Variants in MAP7D2 observed in about 807,000 individuals in gnomAD.
MAP7D2 encodes the protein MAP7 domain containing 2, also known as MAP7 domain-containing protein 2.
MAP7D2 carries 33 observed loss-of-function variants against 63.5 expected under a neutral mutation model. That is an observed-to-expected ratio of 0.52 (90% confidence interval 0.39 to 0.70). The LOEUF (loss-of-function observed/expected upper bound fraction) is 0.70, where lower values mean the gene tolerates loss of function less well. Among genes scored for constraint, MAP7D2 ranks in the 30% least tolerant of loss-of-function variants. MAP7D2 has a pLI of 0.00. For missense variants in MAP7D2, 626 were observed against 604.0 expected, an observed-to-expected ratio of 1.04 and a Z score of -0.38; for synonymous variants, 224 against 223.7, an observed-to-expected ratio of 1.00 and a Z score of -0.01.
chrX:20,106,278 G>A (rs1263787601), intron 1 of MAP7D2, among the ~76,000 whole-genome samples: 1 of 111,825 alleles, frequency 8.9e-6, no homozygotes, highest in Non-Finnish European at 1.9e-5. Flanking sequence ...TCTGTGTGAG[G>A]ACCCACTAGT....
intron 6 of MAP7D2, among the ~76,000 whole-genome samples, chrX:20,047,347 T>C (rs1176820721): frequency 3.6e-5 from 4 of 112,233 alleles, no homozygotes; most frequent in African/African-American, 9.7e-5. Context: ...TTGGGGATCA[T>C]AGTTCCTATG....
At chrX:20,101,727 T>A (rs2066442203) in intron 1 of MAP7D2, among the ~76,000 whole-genome samples, 1 of 112,161 alleles carries the variant, frequency 8.9e-6, no homozygotes, top group Non-Finnish European at 1.9e-5. Flanking sequence ...TAAAAAGAAA[T>A]GAACCACTGG....
intron 1 of MAP7D2, among the ~76,000 whole-genome samples, chrX:20,091,676 C>A (rs899088486): frequency 9.0e-6 from 1 of 111,695 alleles, no homozygotes; most frequent in Non-Finnish European, 1.9e-5. Context: ...GTACACTGTG[C>A]TTCTCTCTGA....
Position 20,025,897 on chromosome X carries a change from C to T in MAP7D2, c.1063G>A (p.Gly355Arg). Residue 355 changes from glycine (G) to arginine (R), a missense_variant, in exon 9 of 17, where the codon GGG becomes AGG. Gly to Arg is a moderately radical substitution (Grantham distance 125). Coordinates refer to ENST00000379643, the MANE Select transcript of MAP7D2 (RefSeq NM_001168465.2). ...SPKTTKPPYP[G>R]SPVKYRLPAL... is the part of the protein sequence containing the mutation. The stretch of plus-strand genomic sequence containing the variant: ...GGTAAGCGGTACTTCACAGGAGACC[C>T]TGGGTAGGGAGGTTTCGTTGTCTTT... 1 of 1,211,615 alleles carries T rather than the reference C, an allele frequency of 8.3e-7. No individual in the cohort carries two copies. The highest frequency in any genetic ancestry group is 1.1e-6 in the Non-Finnish European group (1 of 895,419).
intron 1 of MAP7D2, among the ~76,000 whole-genome samples, chrX:20,103,156 T>G (rs2066482724): frequency 9.0e-6 from 1 of 111,678 alleles, no homozygotes; most frequent in South Asian, 3.8e-4. Context: ...CTGCCAACCT[T>G]TTGCTGGAAA....
intron 10 of MAP7D2, 110 bp downstream of exon 10, chrX:20,024,841 T>C: frequency 2.3e-6 from 2 of 877,002 alleles, no homozygotes; most frequent in Middle Eastern, 2.9e-4. Flanking sequence ...TAGGTTCCCA[T>C]ACTTCTGTTC....
intron 8 of MAP7D2, among the ~76,000 whole-genome samples, chrX:20,027,580 C>T (rs1056466226): frequency 3.6e-5 from 4 of 110,547 alleles, no homozygotes; most frequent in African/African-American, 1.3e-4. Flanking sequence ...GCTCCCCACG[C>T]AGGTTATGAC....
chrX:20,098,057 A>C (rs1021165485), intron 1 of MAP7D2, among the ~76,000 whole-genome samples: 12 of 111,425 alleles, frequency 1.1e-4, no homozygotes, highest in African/African-American at 3.9e-4. Context: ...CTATAACAAA[A>C]AATCTTTTTT....
At chrX:20,086,811 G>A (rs1390036010) in intron 1 of MAP7D2, among the ~76,000 whole-genome samples, 1 of 111,003 alleles carries the variant, frequency 9.0e-6, no homozygotes, top group Non-Finnish European at 1.9e-5. Flanking sequence ...AGACAGTCTC[G>A]CTCTGTTGCC....
intron 1 of MAP7D2, among the ~76,000 whole-genome samples, chrX:20,095,096 G>C (rs1227563585): frequency 9.1e-6 from 1 of 110,475 alleles, no homozygotes; most frequent in Non-Finnish European, 1.9e-5. Flanking sequence ...TCAGTGACTA[G>C]TGGAGATGAT....
At chrX:20,083,920 C>T (rs773786506) in intron 1 of MAP7D2, among the ~76,000 whole-genome samples, 4 of 111,460 alleles carry the variant, frequency 3.6e-5, no homozygotes, top group Non-Finnish European at 5.7e-5. Flanking sequence ...AAACAAGAAT[C>T]ATCCAGCCCT....
chrX:20,069,083 A>G (rs2065432069), intron 1 of MAP7D2, among the ~76,000 whole-genome samples: 1 of 112,175 alleles, frequency 8.9e-6, no homozygotes, highest in Admixed American at 9.4e-5. Context: ...AAAATAGACT[A>G]ATACAGTGCT....
chrX:20,077,386 G>A (rs752319976), intron 1 of MAP7D2, among the ~76,000 whole-genome samples: 1 of 111,634 alleles, frequency 9.0e-6, no homozygotes, highest in East Asian at 2.8e-4. Context: ...CTGGGAGGTG[G>A]AGGTTGCCGT....
chrX:20,051,579 AC>A (rs1203094437), intron 5 of MAP7D2, among the ~76,000 whole-genome samples: 4 of 110,767 alleles, frequency 3.6e-5, no homozygotes, highest in African/African-American at 9.8e-5. Flanking sequence ...AACAAAAAAA[AC>A]AACAACAAAA....
intron 6 of MAP7D2, among the ~76,000 whole-genome samples, chrX:20,050,021 T>C (rs951004994): frequency 5.3e-5 from 6 of 112,393 alleles, no homozygotes; most frequent in Non-Finnish European, 1.1e-4. Flanking sequence ...CAGCTACAAC[T>C]AGGCAGAAGT....
intron 6 of MAP7D2, among the ~76,000 whole-genome samples, chrX:20,048,492 CTG>C (rs1177738570): frequency 6.3e-5 from 7 of 110,996 alleles, no homozygotes; most frequent in Non-Finnish European, 9.4e-5. Context: ...ACTGGGGATC[CTG>C]TGAGTCTTCC....
chrX:20,033,977 C>A (rs752511978), intron 8 of MAP7D2, among the ~76,000 whole-genome samples: 2 of 111,107 alleles, frequency 1.8e-5, no homozygotes, highest in Non-Finnish European at 3.8e-5. Flanking sequence ...GTAATCACAG[C>A]ACTTTGGGAG....
chrX:20,091,052 C>CTTT (rs1280083347), intron 1 of MAP7D2, among the ~76,000 whole-genome samples: 1 of 91,973 alleles, frequency 1.1e-5, no homozygotes, highest in Non-Finnish European at 2.2e-5. Flanking sequence ...GTGGAACACT[C>CTTT]TTTTTTTTTT....
rs773448350 is a variant in MAP7D2 at position 20,025,693 on chromosome X, C to T, written c.1267G>A (p.Glu423Lys). 46 of 1,210,223 alleles carry T rather than the reference C, an allele frequency of 3.8e-5. No individual in the cohort carries two copies. Among genetic ancestry groups the T allele is most frequent in the African/African-American group, 1.2e-4 (7 of 57,303 alleles). The change falls in exon 9 of 17, where the codon GAA (glutamate) becomes AAA (lysine). Residue 423 changes from glutamate (E) to lysine (K), a missense_variant. Physicochemically the swap from Glu to Lys is moderately conservative, Grantham distance 56. Coordinates refer to ENST00000379643, the MANE Select transcript of MAP7D2 (RefSeq NM_001168465.2). ...TGGCAGCATCTACCTGCGCTGTTTTCGGCTTTCCCTCCTGCGGCAGCAGCA... is the reference window on the plus strand; with the variant it reads ...TGGCAGCATCTACCTGCGCTGTTTTTGGCTTTCCCTCCTGCGGCAGCAGCA... ...KHAAAAGGKA[E>K]NSAALGKPTA...
Sources: gnomAD v4.1 joint callset for allele counts (sites outside exome capture counted in the v4.1 genomes callset) on GRCh38, gnomAD v4.1.1 for gene constraint, MANE v1.5 for transcripts, NCBI Gene and HGNC (gene_info 2026-07-23, HGNC 2026-07-21) for gene names.